The following KCNK13 variants were observed in gnomAD, a reference collection of about 807,000 sequenced individuals.
KCNK13 encodes the protein potassium two pore domain channel subfamily K member 13, also known as potassium channel subfamily K member 13.
A neutral mutation model predicts 23.4 loss-of-function variants in KCNK13; 12 were observed. The observed-to-expected ratio is 0.51, with a 90% CI of 0.33 to 0.83. KCNK13 has a LOEUF of 0.83. KCNK13 is among the 40% of genes least tolerant of loss of function. The pLI is 0.02. For missense variants in KCNK13, 463 were observed against 556.3 expected, an observed-to-expected ratio of 0.83 and a Z score of 1.69; for synonymous variants, 231 against 229.5, an observed-to-expected ratio of 1.01 and a Z score of -0.06.
At chr14:90,097,708 G>A (rs572458021) in intron 1 of KCNK13, among the ~76,000 whole-genome samples, 2 of 152,266 alleles carry the variant, frequency 1.3e-5, no homozygotes, top group Admixed American at 6.5e-5. Flanking sequence ...AGATATGAAT[G>A]CTCACCAGCT....
chr14:90,108,655 A>G (rs1889575160), intron 1 of KCNK13, among the ~76,000 whole-genome samples: 1 of 152,220 alleles, frequency 6.6e-6, no homozygotes, highest in Non-Finnish European at 1.5e-5. Context: ...AAAGTTAAGC[A>G]TAGTTGGTCT....
intron 1 of KCNK13, among the ~76,000 whole-genome samples, chr14:90,094,645 CTTTTTTT>C (rs778654067): frequency 6.3e-5 from 7 of 111,648 alleles, no homozygotes; most frequent in Non-Finnish European, 1.1e-4. Context: ...TCTTTTTTTT[CTTTTTTT>C]TTTTTTTTTT....
chr14:90,146,643 A>G (rs1041926895), intron 1 of KCNK13, among the ~76,000 whole-genome samples: 1 of 151,960 alleles, frequency 6.6e-6, no homozygotes, highest in Non-Finnish European at 1.5e-5. Context: ...TTCCTTTTGT[A>G]TCTAACCCTT....
At chr14:90,174,845 C>T (rs1423162055) in intron 1 of KCNK13, among the ~76,000 whole-genome samples, 1 of 151,562 alleles carries the variant, frequency 6.6e-6, no homozygotes, top group Non-Finnish European at 1.5e-5. Context: ...CAGAGCAAGA[C>T]CCTGTTTCAA....
chr14:90,154,096 A>G (rs1273764053), intron 1 of KCNK13, among the ~76,000 whole-genome samples: 1 of 152,144 alleles, frequency 6.6e-6, no homozygotes, highest in Non-Finnish European at 1.5e-5. Flanking sequence ...CTAATTAGGC[A>G]GCATGTGCTC....
At chr14:90,100,116 G>C (rs1889457396) in intron 1 of KCNK13, among the ~76,000 whole-genome samples, 2 of 152,176 alleles carry the variant, frequency 1.3e-5, no homozygotes, top group South Asian at 4.1e-4. Flanking sequence ...CCAGAATAAA[G>C]TTTTTTGGAG....
chr14:90,115,349 A>G (rs989797257), intron 1 of KCNK13, among the ~76,000 whole-genome samples: 3 of 152,170 alleles, frequency 2.0e-5, no homozygotes, highest in African/African-American at 7.2e-5. Context: ...CTCCACTGGG[A>G]ACTGCATCAC....
intron 1 of KCNK13, among the ~76,000 whole-genome samples, chr14:90,168,184 G>C (rs997130093): frequency 6.6e-6 from 1 of 152,096 alleles, no homozygotes; most frequent in African/African-American, 2.4e-5. Context: ...AGCCAGCCTG[G>C]ACAACATGGC....
chr14:90,112,455 C>G (rs1215784504), intron 1 of KCNK13, among the ~76,000 whole-genome samples: 1 of 152,114 alleles, frequency 6.6e-6, no homozygotes, highest in Non-Finnish European at 1.5e-5. Flanking sequence ...TCTTCCGTGG[C>G]TCAACTAAAA....
chr14:90,069,229 G>C (rs942265269), intron 1 of KCNK13, among the ~76,000 whole-genome samples: 6 of 151,874 alleles, frequency 4.0e-5, no homozygotes, highest in African/African-American at 1.5e-4. Flanking sequence ...TAGAGATGAG[G>C]TTTCACCATG....
intron 1 of KCNK13, among the ~76,000 whole-genome samples, chr14:90,068,734 G>C (rs1484911073): frequency 6.6e-6 from 1 of 152,136 alleles, no homozygotes; most frequent in Non-Finnish European, 1.5e-5. Context: ...GAGTCTAGAG[G>C]GCCGTTCATG....
At chr14:90,176,544 A>G (rs117224795) in intron 1 of KCNK13, among the ~76,000 whole-genome samples, 1 of 152,106 alleles carries the variant, frequency 6.6e-6, no homozygotes, top group East Asian at 1.9e-4. Flanking sequence ...TTGTAGTTTC[A>G]TCCCACATGA....
chr14:90,106,459 C>T (rs1005448337), intron 1 of KCNK13, among the ~76,000 whole-genome samples: 3 of 151,630 alleles, frequency 2.0e-5, no homozygotes, highest in African/African-American at 7.3e-5. Flanking sequence ...CCTGTAATTC[C>T]AGCTACTCAG....
intron 1 of KCNK13, among the ~76,000 whole-genome samples, chr14:90,151,879 G>C (rs1890137357): frequency 1.3e-5 from 2 of 152,158 alleles, no homozygotes; most frequent in African/African-American, 4.8e-5. Flanking sequence ...TGAAGAGACT[G>C]TCCTTTTCCC....
At chr14:90,066,480 T>G (rs1485941831) in intron 1 of KCNK13, among the ~76,000 whole-genome samples, 1 of 152,116 alleles carries the variant, frequency 6.6e-6, no homozygotes, top group African/African-American at 2.4e-5. Flanking sequence ...TTGATCAGGC[T>G]GGTCTTGAAA....
chr14:90,135,812 T>C (rs12884860), intron 1 of KCNK13, among the ~76,000 whole-genome samples: 44,077 of 151,878 alleles, frequency 0.29, 7,031 homozygotes, highest in Non-Finnish European at 0.37. Flanking sequence ...TTGTAGAGTA[T>C]TAAAGAAGTT....
intron 1 of KCNK13, among the ~76,000 whole-genome samples, chr14:90,128,893 G>A (rs768032865): frequency 2.6e-5 from 4 of 152,072 alleles, no homozygotes; most frequent in Admixed American, 6.6e-5. Context: ...ACCTTGAGCC[G>A]TCCCCACCGC....
In KCNK13 at chr14:90,185,260, A is replaced by C; in HGVS notation, c.*257A>C. On this transcript the variant is annotated 3_prime_UTR_variant, in exon 2 of 2. Coordinates refer to ENST00000282146, the MANE Select transcript of KCNK13 (RefSeq NM_022054.4). ...TTCAGTCTTTTCAAAACAAATCACAAAAGCAGCATTAGACATTGCCTTGTT... is the reference window on the plus strand; with the variant it reads ...TTCAGTCTTTTCAAAACAAATCACACAAGCAGCATTAGACATTGCCTTGTT... 5.2e-6 allele frequency: 2 copies of C among 384,488 alleles called. No individual in the cohort carries two copies. Among genetic ancestry groups the C allele is most frequent in the Admixed American group, 4.1e-5 (1 of 24,510 alleles). The allele number at this position is 384,488 out of a possible 1,614,324, so 23.8% of individuals were successfully genotyped here.
Position 90,136,361 on chromosome 14 carries a change from C to G in KCNK13, c.335-47750C>G, listed in dbSNP as rs77151432. ...GGTGGCTGCTGACTGAGGTCCGGTG[C>G]CTGGGGATGAGGAATCTGGAGACTC... On this transcript the variant is annotated intron_variant, in intron 1 of 1. Transcript: ENST00000282146. Among the ~76,000 whole-genome samples, 551 of 152,082 alleles carry G rather than the reference C, an allele frequency of 3.6e-3. 6 individuals are homozygous for G. Among genetic ancestry groups the G allele is most frequent in the African/African-American group, 0.013 (525 of 41,480 alleles).
Sources: allele counts gnomAD v4.1 joint callset (sites outside exome capture counted in the v4.1 genomes callset), GRCh38; gene constraint gnomAD v4.1.1; transcripts MANE v1.5; gene names NCBI Gene and HGNC (gene_info 2026-07-23, HGNC 2026-07-21).